Variants in EXOC4 observed in about 807,000 individuals in gnomAD.
EXOC4 encodes the protein exocyst complex component 4.
A neutral mutation model predicts 107.2 loss-of-function variants in EXOC4; 71 were observed. The ratio of observed to expected loss-of-function variants is 0.66; its 90% CI spans 0.55 to 0.81. The LOEUF is 0.81. EXOC4 is among the 30% of genes least tolerant of loss of function. The pLI is 0.00. For missense variants in EXOC4, 1,108 were observed against 1,189.6 expected, an observed-to-expected ratio of 0.93 and a Z score of 1.01; for synonymous variants, 456 against 441.2, an observed-to-expected ratio of 1.03 and a Z score of -0.42.
At chr7:134,004,793 G>A (rs780482131) in intron 15 of EXOC4, 119 bp from the exon 16 acceptor site, 77 of 802,496 alleles carry the variant, frequency 9.6e-5, no homozygotes, top group Non-Finnish European at 1.4e-4. Context: ...TGGCTATCAT[G>A]GCTAGTCTTA....
chr7:134,048,614 T>A (rs1466533319), intron 17 of EXOC4, among the ~76,000 whole-genome samples: 2 of 152,202 alleles, frequency 1.3e-5, no homozygotes, highest in African/African-American at 4.8e-5. Flanking sequence ...GGTGTCCTCT[T>A]ATTTCTTATG....
intron 10 of EXOC4, among the ~76,000 whole-genome samples, chr7:133,802,312 A>G (rs1051852712): frequency 5.9e-5 from 9 of 152,258 alleles, no homozygotes; most frequent in Admixed American, 1.3e-4. Flanking sequence ...AGGTTCAAGT[A>G]TGTGAAAGTC....
chr7:133,885,000 C>T (rs1799049995), intron 11 of EXOC4, among the ~76,000 whole-genome samples: 1 of 152,014 alleles, frequency 6.6e-6, no homozygotes, highest in Admixed American at 6.6e-5. Flanking sequence ...AATGTTCAGT[C>T]CTTAGAACCA....
chr7:133,303,411 G>A (rs2150564832), intron 3 of EXOC4, among the ~76,000 whole-genome samples: 1 of 152,272 alleles, frequency 6.6e-6, no homozygotes, highest in East Asian at 1.9e-4. Flanking sequence ...TCTAGCCTGG[G>A]CAACACGGCA....
At chr7:133,430,313 G>A (rs1388705866) in intron 7 of EXOC4, among the ~76,000 whole-genome samples, 1 of 152,152 alleles carries the variant, frequency 6.6e-6, no homozygotes, top group Non-Finnish European at 1.5e-5. Context: ...TACAAGATGT[G>A]GGGCATGGCG....
chr7:133,530,897 A>G (rs1417891865), intron 9 of EXOC4, among the ~76,000 whole-genome samples: 7 of 152,182 alleles, frequency 4.6e-5, no homozygotes, highest in Non-Finnish European at 7.3e-5. Flanking sequence ...GAGTGATGTC[A>G]TATGGTTTGG....
chr7:133,588,926 A>G lies in EXOC4; in HGVS notation c.1418-41119A>G, dbSNP rs9691892. Reference sequence around the variant, plus strand: ...TATGTATGTGTATATATATGTGTGTATATGTGTGTGTGTATGTATATGTGT... The same window carrying G: ...TATGTATGTGTATATATATGTGTGTGTATGTGTGTGTGTATGTATATGTGT... On this transcript the variant is annotated intron_variant, in intron 9 of 17. Transcript: ENST00000253861. 3.3e-5 allele frequency among the ~76,000 whole-genome samples: 5 copies of G among 151,470 alleles called. No homozygotes were observed. The East Asian group carries it at 5.8e-4, about 18-fold the overall frequency.
At chr7:134,084,958 G>A in the EXOC4 span, among the ~76,000 whole-genome samples, 3 of 152,112 alleles carry the variant, frequency 2.0e-5, no homozygotes, top group Non-Finnish European at 2.9e-5. Context: ...TCGGAAGTAA[G>A]GCATAAAAAC....
rs144849397 is a variant in EXOC4 at position 133,258,722 on chromosome 7, G to A, written c.86+5535G>A. ...TTTCCACCAGAAATAACCTTGACGCGTTGACTGGAGTGATTCCATTTGTCA... is the reference window on the plus strand; with the variant it reads ...TTTCCACCAGAAATAACCTTGACGCATTGACTGGAGTGATTCCATTTGTCA... On this transcript the variant is annotated intron_variant, in intron 1 of 17. Transcript: ENST00000253861. Among the ~76,000 whole-genome samples the A allele has an allele frequency of 7.1e-3, 1,074 of 152,222 alleles. 14 individuals carry two copies. Among genetic ancestry groups the A allele is most frequent in the African/African-American group, 0.025 (1,019 of 41,536 alleles).
intron 10 of EXOC4, among the ~76,000 whole-genome samples, chr7:133,740,594 A>T (rs1315058216): frequency 1.3e-5 from 2 of 152,160 alleles, no homozygotes; most frequent in African/African-American, 4.8e-5. Context: ...CACGATGACA[A>T]TATAAAATGC....
chr7:133,710,616 C>A (rs1474270480), intron 10 of EXOC4, among the ~76,000 whole-genome samples: 1 of 146,832 alleles, frequency 6.8e-6, no homozygotes, highest in South Asian at 2.2e-4. Flanking sequence ...GCCGAGATCC[C>A]GCCACTGCAC....
In EXOC4 at chr7:133,525,382, T is replaced by A. The variant is rs78447687; in HGVS notation, c.1417+45244T>A. Among the ~76,000 whole-genome samples the A allele has an allele frequency of 1.1e-4, 16 of 152,308 alleles. No individual in the cohort carries two copies. In the East Asian group the frequency reaches 3.1e-3, roughly 29 times the overall value. On this transcript the variant is annotated intron_variant, in intron 9 of 17. Transcript: ENST00000253861. ...TCAAGTGAGAATAATAAGCTAGTGT[T>A]GCTTCCTAACTTTTCTGTGTGTGTA...
intron 11 of EXOC4, among the ~76,000 whole-genome samples, chr7:133,843,684 G>A (rs891656197): frequency 6.6e-6 from 1 of 152,032 alleles, no homozygotes; most frequent in African/African-American, 2.4e-5. Flanking sequence ...CTGTGTCCAG[G>A]ACTTCCAGTA....
At chr7:133,760,377 G>A (rs1796008626) in intron 10 of EXOC4, among the ~76,000 whole-genome samples, 1 of 152,272 alleles carries the variant, frequency 6.6e-6, no homozygotes, top group Non-Finnish European at 1.5e-5. Flanking sequence ...TGGAAGGATA[G>A]ACACCGTCTT....
intron 6 of EXOC4, among the ~76,000 whole-genome samples, chr7:133,371,622 A>G (rs1796379489): frequency 6.6e-6 from 1 of 152,094 alleles, no homozygotes; most frequent in Admixed American, 6.5e-5. Flanking sequence ...ACCGCATTTT[A>G]TCCATTTATC....
rs1448377516 is a variant in EXOC4, at chr7:133,975,597, C to T, written c.2207-21895C>T. Among the ~76,000 whole-genome samples, 5 of 151,436 alleles carry T rather than the reference C, an allele frequency of 3.3e-5. No individual in the cohort carries two copies. In the East Asian group the frequency reaches 9.7e-4, roughly 29 times the overall value. On this transcript the variant is annotated intron_variant, in intron 14 of 17. Coordinates refer to ENST00000253861, the MANE Select transcript of EXOC4 (RefSeq NM_021807.4). ...TTTGGAGAAAATGTAGGTATGATCTCGTGAATAGAAACCTATCAAAGGGAG... is the reference window on the plus strand; with the variant it reads ...TTTGGAGAAAATGTAGGTATGATCTTGTGAATAGAAACCTATCAAAGGGAG...
chr7:133,761,554 G>A (rs73724735), intron 10 of EXOC4, among the ~76,000 whole-genome samples: 2,593 of 152,208 alleles, frequency 0.017, 73 homozygotes, highest in African/African-American at 0.059. Flanking sequence ...GAACTGATGC[G>A]TTGGCTGTTG....
chr7:133,474,811 G>A (rs1798969875), intron 7 of EXOC4, among the ~76,000 whole-genome samples: 1 of 152,036 alleles, frequency 6.6e-6, no homozygotes, highest in Non-Finnish European at 1.5e-5. Flanking sequence ...TAGTACACTA[G>A]GGATCACTTT....
intron 10 of EXOC4, among the ~76,000 whole-genome samples, chr7:133,743,899 AGGG>A: frequency 6.6e-6 from 1 of 152,068 alleles, no homozygotes; most frequent in Non-Finnish European, 1.5e-5. Flanking sequence ...TCTGCCTCCT[AGGG>A]GAAGGAGAAA....
Sources: gnomAD v4.1 joint callset for allele counts (sites outside exome capture counted in the v4.1 genomes callset) on GRCh38, gnomAD v4.1.1 for gene constraint, MANE v1.5 for transcripts, NCBI Gene and HGNC (gene_info 2026-07-23, HGNC 2026-07-21) for gene names.